GPHB5: variants seen among roughly 807,000 people sequenced by gnomAD.
GPHB5 encodes the protein glycoprotein hormone beta-5.
In GPHB5, 7 loss-of-function variants were observed where a neutral mutation model predicts 10.1. That is an observed-to-expected ratio of 0.69 (90% CI 0.39 to 1.30). The LOEUF (loss-of-function observed/expected upper bound fraction) is 1.30, where lower values mean the gene tolerates loss of function less well. GPHB5 is among the 50% of genes most tolerant of loss of function. The probability of loss-of-function intolerance (pLI) is 0.01; values close to 1 mark genes in which losing one functional copy is unlikely to be tolerated. For synonymous variants in GPHB5, 68 were observed against 70.1 expected (o/e 0.97, Z 0.15); for missense variants, 161 against 169.8 (o/e 0.95, Z 0.29).
intron 2 of GPHB5, among the ~76,000 whole-genome samples, chr14:63,316,740 C>T (rs10140738): frequency 0.26 from 39,564 of 152,106 alleles, 5,542 homozygotes; most frequent in African/African-American, 0.35. Context: ...AGAAAATGTG[C>T]TGTCTCCAGG....
rs772776884 is a variant in GPHB5, at chr14:63,313,011, C to A, written c.310G>T (p.Asp104Tyr). 1.3e-6 allele frequency: 2 copies of A among 1,585,708 alleles called. No homozygotes were observed. Among genetic ancestry groups the A allele is most frequent in the Admixed American group, 1.8e-5 (1 of 55,338 alleles). The change falls in exon 3 of 3, where the codon GAC becomes TAC. Residue 104 changes from aspartate to tyrosine, a missense_variant. Asp to Tyr is a radical substitution (Grantham distance 160, BLOSUM62 -3). Coordinates refer to ENST00000621500, the MANE Select transcript of GPHB5 (RefSeq NM_145171.4). Reference protein sequence around the residue: ...VKLPNCAPGVDPFYTYPVAIR... With the variant: ...VKLPNCAPGVYPFYTYPVAIR... ...GCCACGGGATAGGTGTAGAAGGGGT[C>A]GACTCCCGGGGCACAGTTGGGCAGC... is the stretch of plus-strand genomic sequence containing the variant.
chr14:63,317,719 AG>A lies in GPHB5; in HGVS notation c.130del (p.Leu44TrpfsTer49). ...VGCAVREFTF[L>X]AKKPGCRGLR... ...GCCCCTGCAGCCTGGCTTCTTGGCC[AG>A]GAAAGTAAACTCCCTCACGGCACAG... On this transcript the variant is annotated frameshift_variant, in exon 2 of 3. Transcript: ENST00000621500. LOFTEE classifies it high-confidence loss of function. 1 of 1,614,056 alleles carries A rather than the reference AG, an allele frequency of 6.2e-7. No individual in the cohort carries two copies. Among genetic ancestry groups the A allele is most frequent in the Non-Finnish European group, 8.5e-7 (1 of 1,179,892 alleles).
At chr14:63,314,882 C>G (rs1882742652) in intron 2 of GPHB5, among the ~76,000 whole-genome samples, 1 of 148,246 alleles carries the variant, frequency 6.7e-6, no homozygotes, top group Non-Finnish European at 1.5e-5. Context: ...AAATAGCAGC[C>G]TTACCTTTTT....
chr14:63,313,086 C>G lies in GPHB5; in HGVS notation c.235G>C (p.Ala79Pro). ...TTGTAGGTACAGACTCGATGATGGG[C>G]TTCAATATAGGGGGGTTCCAGAATG... ...KPILEPPYIE[A>P]HHRVCTYNET... The change falls in exon 3 of 3, where the codon GCC becomes CCC. Residue 79 changes from alanine to proline, a missense_variant. Transcript: ENST00000621500. 6.2e-7 allele frequency: 1 copy of G among 1,605,056 alleles called. No individual in the cohort carries two copies.
rs1882816902 is a variant in GPHB5 at position 63,318,846 on chromosome 14, T to C, written c.-24A>G. On this transcript the variant is annotated 5_prime_UTR_variant, in exon 1 of 3. Coordinates refer to ENST00000621500, the MANE Select transcript of GPHB5 (RefSeq NM_145171.4). The stretch of plus-strand genomic sequence containing the variant: ...TACCTAATCTTGCAGGAGCCCACTC[T>C]TCTTTTAGAGCTGAAACTTGCACTA... 6.6e-6 allele frequency: 1 copy of C among 152,226 alleles called. No individual in the cohort carries two copies. Among genetic ancestry groups the C allele is most frequent in the Non-Finnish European group, 1.5e-5 (1 of 68,032 alleles). The allele number at this position is 152,226 out of a possible 1,614,324, so 9.4% of individuals were successfully genotyped here. A position where few individuals can be genotyped will look rare whatever the true frequency, so the allele number is the denominator to read the frequency against.
At chr14:63,317,114 G>A (rs2038275) in intron 2 of GPHB5, among the ~76,000 whole-genome samples, 1 of 152,194 alleles carries the variant, frequency 6.6e-6, no homozygotes, top group African/African-American at 2.4e-5. Flanking sequence ...AGGGCTCCCA[G>A]AGACTTGAGG....
At position 63,317,790 on chromosome 14, in the gene GPHB5, G is replaced by A; in HGVS notation, c.60C>T (p.Gly20=). The change falls in exon 2 of 3, where the codon GGC becomes GGT. Residue 20 remains glycine, a synonymous_variant. Coordinates refer to ENST00000621500, the MANE Select transcript of GPHB5 (RefSeq NM_145171.4). Reference sequence around the variant, plus strand: ...TCCCACTGGAGGCACCGAGGACACAGCCATAGCCAGCCAGAAGGAGGAGGG... The same window carrying A: ...TCCCACTGGAGGCACCGAGGACACAACCATAGCCAGCCAGAAGGAGGAGGG... ...PMALLLLAGY[G]CVLGASSGNL... 6 of 1,614,054 alleles carry A rather than the reference G, an allele frequency of 3.7e-6. No individual in the cohort carries two copies. Among genetic ancestry groups the A allele is most frequent in the Non-Finnish European group, 5.1e-6 (6 of 1,179,902 alleles).
intron 2 of GPHB5, among the ~76,000 whole-genome samples, chr14:63,314,847 A>AGAC (rs1315383995): frequency 7.4e-6 from 1 of 135,216 alleles, no homozygotes; most frequent in East Asian, 2.1e-4. Flanking sequence ...ATGTAACTCA[A>AGAC]GATGTTCTTG....
Position 63,313,050 on chromosome 14 carries a change from G to A in GPHB5, c.271C>T (p.Gln91Ter). ...HRVCTYNETK[Q>*]VTVKLPNCAP... ...CAGTTGGGCAGCTTGACAGTCACCT[G>A]TTTGGTCTCGTTGTAGGTACAGACT... Residue 91 changes from glutamine (Q) to a stop codon, truncating the protein, a stop_gained, in exon 3 of 3, where the codon CAG becomes TAG. Transcript: ENST00000621500. LOFTEE classifies it high-confidence loss of function. The A allele has an allele frequency of 6.2e-7, 1 of 1,606,232 alleles. No individual in the cohort carries two copies. The highest frequency in any genetic ancestry group is 8.5e-7 in the Non-Finnish European group (1 of 1,176,390).
intron 2 of GPHB5, among the ~76,000 whole-genome samples, chr14:63,316,488 C>CTGAAAAAAT (rs1391943099): frequency 6.6e-6 from 1 of 152,034 alleles, no homozygotes; most frequent in East Asian, 1.9e-4. Flanking sequence ...AACCTCTGTC[C>CTGAAAAAAT]TGAAAAAATT....
intron 2 of GPHB5, among the ~76,000 whole-genome samples, chr14:63,314,378 G>A (rs1190838725): frequency 1.3e-5 from 2 of 151,592 alleles, no homozygotes; most frequent in Admixed American, 6.6e-5. Context: ...GATGATATAC[G>A]CAATGCACAA....
At chr14:63,317,182 C>G (rs1306729617) in intron 2 of GPHB5, among the ~76,000 whole-genome samples, 1 of 152,172 alleles carries the variant, frequency 6.6e-6, no homozygotes, top group Non-Finnish European at 1.5e-5. Context: ...GGGACCAACG[C>G]TCACCCTTCA....
chr14:63,317,935 A>G, intron 1 of GPHB5, 85 bp from the exon 2 acceptor site: 3 of 1,231,146 alleles, frequency 2.4e-6, no homozygotes, highest in Admixed American at 4.3e-5. Flanking sequence ...TGTCACTATC[A>G]AAGGGACCTT....
Position 63,318,852 on chromosome 14 carries a change from T to A in GPHB5, c.-30A>T, listed in dbSNP as rs1006980561. Reference sequence around the variant, plus strand: ...ATCTTGCAGGAGCCCACTCTTCTTTTAGAGCTGAAACTTGCACTAAGATTT... The same window carrying A: ...ATCTTGCAGGAGCCCACTCTTCTTTAAGAGCTGAAACTTGCACTAAGATTT... On this transcript the variant is annotated 5_prime_UTR_variant, in exon 1 of 3. Transcript: ENST00000621500. The A allele has an allele frequency of 6.6e-6, 1 of 152,224 alleles. No individual in the cohort carries two copies. Among genetic ancestry groups the A allele is most frequent in the Non-Finnish European group, 1.5e-5 (1 of 68,026 alleles). 9.4% of individuals were successfully genotyped at this position (152,224 alleles called of 1,614,324 possible). A position where few individuals can be genotyped will look rare whatever the true frequency, so the allele number is the denominator to read the frequency against.
Position 63,313,171 on chromosome 14 carries a change from G to C in GPHB5, c.205-55C>G, listed in dbSNP as rs1273630273. 4 of 1,368,750 alleles carry C rather than the reference G, an allele frequency of 2.9e-6. No homozygotes were observed. In the African/African-American group the frequency reaches 4.4e-5, roughly 15 times the overall value. 84.8% of individuals were successfully genotyped at this position (1,368,750 alleles called of 1,614,324 possible). ...CATTAGAACATATGATCTTGTTTCAGTTTTTTAGTATCATTTATCACTATC... is the reference window on the plus strand; with the variant it reads ...CATTAGAACATATGATCTTGTTTCACTTTTTTAGTATCATTTATCACTATC... On this transcript the variant is annotated intron_variant, in intron 2 of 2. Transcript: ENST00000621500.
chr14:63,316,128 A>AT (rs1397477934), intron 2 of GPHB5, among the ~76,000 whole-genome samples: 1 of 152,160 alleles, frequency 6.6e-6, no homozygotes, highest in African/African-American at 2.4e-5. Flanking sequence ...GCAAAACCCG[A>AT]TTTTCATTGG....
At chr14:63,313,801 T>C (rs1243062229) in intron 2 of GPHB5, among the ~76,000 whole-genome samples, 1 of 152,222 alleles carries the variant, frequency 6.6e-6, no homozygotes, top group African/African-American at 2.4e-5. Flanking sequence ...AAGCATTTCC[T>C]GACCATCCTA....
Position 63,317,691 on chromosome 14 carries a change from A to G in GPHB5, c.159T>C (p.Leu53=). 1 of 1,614,002 alleles carries G rather than the reference A, an allele frequency of 6.2e-7. No individual in the cohort carries two copies. The highest frequency in any genetic ancestry group is 1.1e-5 in the South Asian group (1 of 91,074). ...FLAKKPGCRG[L]RITTDACWGR... ...CCCAGCAGGCATCCGTGGTGATCCG[A>G]AGGCCCCTGCAGCCTGGCTTCTTGG... Residue 53 remains leucine (L), a synonymous_variant, in exon 2 of 3, where the codon CTT becomes CTC. Transcript: ENST00000621500.
At chr14:63,317,619 T>C in intron 2 of GPHB5, 27 bp downstream of exon 2, 1 of 1,610,216 alleles carries the variant, frequency 6.2e-7, no homozygotes, top group South Asian at 1.1e-5. Context: ...TAGAAGACAC[T>C]GTCATCTGCA....
Sources: gnomAD v4.1 joint callset for allele counts (sites outside exome capture counted in the v4.1 genomes callset) on GRCh38, gnomAD v4.1.1 for gene constraint, MANE v1.5 for transcripts, NCBI Gene and HGNC (gene_info 2026-07-23, HGNC 2026-07-21) for gene names.